Variants in SLC26A3 observed in about 807,000 individuals in gnomAD.
SLC26A3 encodes solute carrier family 26 member 3.
Under a neutral mutation model 85.6 loss-of-function variants are expected in SLC26A3, and 64 were observed. The ratio of observed to expected loss-of-function variants is 0.75; its 90% CI spans 0.61 to 0.92. The LOEUF is 0.92. Among genes scored for constraint, SLC26A3 ranks in the 40% least tolerant of loss-of-function variants. The pLI, the probability that SLC26A3 is intolerant of heterozygous loss-of-function variation, is 0.00. For synonymous variants in SLC26A3, 349 were observed against 336.0 expected, an observed-to-expected ratio of 1.04 and a Z score of -0.42; for missense variants, 922 against 927.3, an observed-to-expected ratio of 0.99 and a Z score of 0.07.
intron 1 of SLC26A3, among the ~76,000 whole-genome samples, chr7:107,798,237 G>A (rs959571187): frequency 3.3e-5 from 5 of 149,522 alleles, no homozygotes; most frequent in South Asian, 2.1e-4. Flanking sequence ...GTTGTTCTCT[G>A]CTTTTTTTTT....
rs1584398039 is a variant in SLC26A3 at position 107,765,773 on chromosome 7, T to C, written c.*82A>G. 6 of 1,020,828 alleles carry C rather than the reference T, an allele frequency of 5.9e-6. No individual in the cohort carries two copies. The East Asian group carries it at 1.4e-4, about 24-fold the overall frequency. 63.2% of individuals were successfully genotyped at this position (1,020,828 alleles called of 1,614,324 possible). ...TGTCAAAAATACTCTTCGTACAATG[T>C]ATGAACTTATCAATAACTTTCTGGG... On this transcript the variant is annotated 3_prime_UTR_variant, in exon 21 of 21. Coordinates refer to ENST00000340010, the MANE Select transcript of SLC26A3 (RefSeq NM_000111.3).
At chr7:107,800,417 G>T (rs1462834741) in intron 1 of SLC26A3, among the ~76,000 whole-genome samples, 1 of 152,200 alleles carries the variant, frequency 6.6e-6, no homozygotes, top group Non-Finnish European at 1.5e-5. Flanking sequence ...CCTATTATTT[G>T]TCAGGAACTC....
chr7:107,795,185 T>A (rs551139437), intron 1 of SLC26A3, among the ~76,000 whole-genome samples: 1 of 152,320 alleles, frequency 6.6e-6, no homozygotes, highest in East Asian at 1.9e-4. Flanking sequence ...TAATAAGGTC[T>A]TTTTAAAGGA....
chr7:107,786,772 T>A, intron 8 of SLC26A3, 55 bp downstream of exon 8: 1 of 1,418,736 alleles, frequency 7.0e-7, no homozygotes, highest in Non-Finnish European at 1.0e-6. Context: ...CTCCTGTCAC[T>A]ACTGCTAACT....
chr7:107,792,087 T>C (rs1233269689), intron 3 of SLC26A3, 147 bp from the exon 4 acceptor site: 1 of 598,010 alleles, frequency 1.7e-6, no homozygotes, highest in Admixed American at 2.8e-5. Context: ...ATGTAAGAAC[T>C]AAAACTATAA....
chr7:107,770,038 CTT>C (rs771337194), intron 18 of SLC26A3, among the ~76,000 whole-genome samples: 2 of 76,398 alleles, frequency 2.6e-5, no homozygotes, highest in African/African-American at 5.6e-5. Context: ...TTCTTTCTTT[CTT>C]TCTTTCTTTC....
chr7:107,784,737 C>G (rs1191665621), intron 8 of SLC26A3, among the ~76,000 whole-genome samples: 3 of 152,162 alleles, frequency 2.0e-5, no homozygotes, highest in East Asian at 3.8e-4. Context: ...CGTCCTTGTT[C>G]TCTTTTCTTC....
intron 15 of SLC26A3, 135 bp from the exon 16 acceptor site, chr7:107,775,007 T>C (rs1794087313): frequency 1.3e-6 from 1 of 757,998 alleles, no homozygotes; most frequent in Admixed American, 2.0e-5. Context: ...AATTTAAAAG[T>C]GGTTTAAACA....
Position 107,767,871 on chromosome 7 carries a change from A to G in SLC26A3, c.2100T>C (p.Phe700=). The G allele has an allele frequency of 1.2e-6, 2 of 1,613,416 alleles. No homozygotes were observed. The highest frequency in any genetic ancestry group is 1.7e-6 in the Non-Finnish European group (2 of 1,179,458). Residue 700 remains phenylalanine, a synonymous_variant, in exon 19 of 21, where the codon TTT becomes TTC. Transcript: ENST00000340010. ...FIEKLNRYEF[F]DGEVKSSIFF... is the part of the protein sequence containing the mutation. The stretch of plus-strand genomic sequence containing the variant: ...ATATTGAGCTTTTCACTTCACCATC[A>G]AAAAATTCATACCGGTTAAGCTTCT...
At chr7:107,768,425 G>A (rs2269778) in intron 18 of SLC26A3, among the ~76,000 whole-genome samples, 64,953 of 152,024 alleles carry the variant, frequency 0.43, 14,044 homozygotes, top group East Asian at 0.62. Context: ...TAGGCACTAA[G>A]CAGCATTCAT....
intron 1 of SLC26A3, among the ~76,000 whole-genome samples, chr7:107,795,628 C>A (rs1794483430): frequency 6.6e-6 from 1 of 152,088 alleles, no homozygotes; most frequent in African/African-American, 2.4e-5. Context: ...AGAAATGGTA[C>A]CTGCATTTTC....
intron 3 of SLC26A3, among the ~76,000 whole-genome samples, chr7:107,792,885 A>C (rs935222364): frequency 1.3e-5 from 2 of 152,248 alleles, no homozygotes; most frequent in African/African-American, 4.8e-5. Context: ...AACACTTGCA[A>C]CTCCACAACA....
At chr7:107,795,413 GT>G (rs1411340813) in intron 1 of SLC26A3, among the ~76,000 whole-genome samples, 1 of 152,104 alleles carries the variant, frequency 6.6e-6, no homozygotes, top group African/African-American at 2.4e-5. Context: ...TCTCAATCCT[GT>G]TTCTATTATG....
chr7:107,775,018 A>G (rs959319503), intron 15 of SLC26A3, 146 bp from the exon 16 acceptor site: 1 of 722,836 alleles, frequency 1.4e-6, no homozygotes, highest in Non-Finnish European at 2.5e-6. Flanking sequence ...GGTTTAAACA[A>G]TATCAGCCAG....
At chr7:107,794,820 G>C (rs572429413) in intron 1 of SLC26A3, among the ~76,000 whole-genome samples, 1 of 152,264 alleles carries the variant, frequency 6.6e-6, no homozygotes, top group East Asian at 1.9e-4. Context: ...TTGCCAAAAA[G>C]TAACAAAATT....
intron 13 of SLC26A3, among the ~76,000 whole-genome samples, chr7:107,777,214 T>A (rs140154066): frequency 6.6e-6 from 1 of 152,246 alleles, no homozygotes; most frequent in East Asian, 1.9e-4. Flanking sequence ...ACTCCTTAGT[T>A]CCCCAGGAAG....
At chr7:107,770,181 T>TGATTTGAG (rs1794001136) in intron 18 of SLC26A3, among the ~76,000 whole-genome samples, 1 of 55,844 alleles carries the variant, frequency 1.8e-5, no homozygotes, top group Non-Finnish European at 2.7e-5. Context: ...TTTTTTTTTT[T>TGATTTGAG]AAAAAAAAAA....
chr7:107,795,571 TA>T (rs1794482342), intron 1 of SLC26A3, among the ~76,000 whole-genome samples: 1 of 152,186 alleles, frequency 6.6e-6, no homozygotes. Flanking sequence ...AAACCCACAC[TA>T]AATTGGAAAT....
At position 107,774,166 on chromosome 7, in the gene SLC26A3, A is replaced by T. The variant is rs752725104; in HGVS notation, c.1774-13T>A. The T allele has an allele frequency of 6.3e-7, 1 of 1,589,144 alleles. No individual in the cohort carries two copies. Among genetic ancestry groups the T allele is most frequent in the Admixed American group, 1.7e-5 (1 of 59,992 alleles). On this transcript the variant is annotated splice_polypyrimidine_tract_variant and intron_variant, in intron 16 of 20. Transcript: ENST00000340010. ...ATATAAATCCTTTCTGCAGGAGAGG[A>T]TAACAAGTATGAAAACTGTGACCAA...
Sources: allele counts gnomAD v4.1 joint callset (sites outside exome capture counted in the v4.1 genomes callset), GRCh38; gene constraint gnomAD v4.1.1; transcripts MANE v1.5; gene names NCBI Gene and HGNC (gene_info 2026-07-23, HGNC 2026-07-21).